The following ELFN1 variants were observed in gnomAD, a reference collection of about 807,000 sequenced individuals.
ELFN1 encodes the protein extracellular leucine rich repeat and fibronectin type III domain containing 1.
In ELFN1, 6 loss-of-function variants were observed where a neutral mutation model predicts 7.6. The ratio of observed to expected loss-of-function variants is 0.79; its 90% CI spans 0.43 to 1.56. The LOEUF is 1.56. ELFN1 is among the 40% of genes most tolerant of loss of function. The pLI is 0.01. For missense variants in ELFN1, 1,169 were observed against 1,232.2 expected, an observed-to-expected ratio of 0.95 and a Z score of 0.77; for synonymous variants, 657 against 588.1, an observed-to-expected ratio of 1.12 and a Z score of -1.70.
At chr7:1,702,846 G>A (rs548585858) in intron 2 of ELFN1, among the ~76,000 whole-genome samples, 1 of 151,308 alleles carries the variant, frequency 6.6e-6, no homozygotes, top group Admixed American at 6.6e-5. Context: ...GCAGCTACTA[G>A]CACCATGCTG....
At position 1,728,904 on chromosome 7, in the gene ELFN1, C is replaced by T. The variant is rs377434525; in HGVS notation, c.-293-15400C>T. On this transcript the variant is annotated intron_variant, in intron 3 of 3. Coordinates refer to ENST00000424383, the MANE Select transcript of ELFN1 (RefSeq NM_001128636.4). ...ATCTCACTGTCGTGATGGTCCTGTT[C>T]ATCATCTCATGATGTCCATCATCTC... Among the ~76,000 whole-genome samples, 33 of 152,112 alleles carry T rather than the reference C, an allele frequency of 2.2e-4. 1 individual carries two copies. The East Asian group carries it at 3.0e-3, about 14-fold the overall frequency.
upstream of ELFN1, among the ~76,000 whole-genome samples, chr7:1,670,079 A>T (rs1778732763): frequency 1.3e-5 from 2 of 149,238 alleles, no homozygotes; most frequent in Non-Finnish European, 3.0e-5. This position sits in a 1 kb window ranked among gnomAD's most constrained non-coding sequence, Gnocchi z 6.4. Flanking sequence ...AGAGGCTCCG[A>T]GCCGGACTCG....
intron 2 of ELFN1, chr7:1,693,906 C>T (rs1481306280): frequency 7.5e-6 from 3 of 400,648 alleles, no homozygotes; most frequent in Non-Finnish European, 1.6e-5. Flanking sequence ...GCCACCTCCT[C>T]CTGCGTGCCG....
chr7:1,724,022 C>T (rs1025231349), intron 3 of ELFN1, among the ~76,000 whole-genome samples: 3 of 152,244 alleles, frequency 2.0e-5, no homozygotes, highest in Admixed American at 2.0e-4. Context: ...GCTATGGGGC[C>T]AGGCTGCCTT....
intron 1 of ELFN1, among the ~76,000 whole-genome samples, chr7:1,684,086 G>A (rs180827953): frequency 6.6e-6 from 1 of 152,056 alleles, no homozygotes; most frequent in Non-Finnish European, 1.5e-5. Context: ...GGAGGTTGAG[G>A]CTGCAGAAAG....
chr7:1,738,397 A>G (rs1484150430), intron 3 of ELFN1, among the ~76,000 whole-genome samples: 1 of 152,166 alleles, frequency 6.6e-6, no homozygotes, highest in East Asian at 1.9e-4. Flanking sequence ...CGGGCATGTC[A>G]TATCTTTCCT....
At chr7:1,672,146 TG>T (rs959760100) in intron 1 of ELFN1, among the ~76,000 whole-genome samples, 1 of 152,128 alleles carries the variant, frequency 6.6e-6, no homozygotes, top group African/African-American at 2.4e-5. Context: ...GAAAAGCCAG[TG>T]GGCACCTGAA....
chr7:1,718,290 T>C (rs1175926280), intron 3 of ELFN1, among the ~76,000 whole-genome samples: 2 of 152,140 alleles, frequency 1.3e-5, no homozygotes, highest in Non-Finnish European at 2.9e-5. Context: ...GGAGTTCAAT[T>C]AGTAAAGGAG....
At chr7:1,719,769 T>TG (rs1338716956) in intron 3 of ELFN1, among the ~76,000 whole-genome samples, 19 of 152,068 alleles carry the variant, frequency 1.2e-4, no homozygotes, top group Middle Eastern at 6.8e-3. Context: ...GGCTAGGAGG[T>TG]GGGGGGCCTC....
At chr7:1,668,659 G>C (rs971101307), upstream of ELFN1, among the ~76,000 whole-genome samples, 1 of 152,232 alleles carries the variant, frequency 6.6e-6, no homozygotes, top group African/African-American at 2.4e-5. Flanking sequence ...GCAGGGAGGA[G>C]AGGGTGCCCC....
At position 1,735,459 on chromosome 7, in the gene ELFN1, CGGA is replaced by C. The variant is rs1780419429; in HGVS notation, c.-293-8842_-293-8840del. Among the ~76,000 whole-genome samples the C allele has an allele frequency of 6.6e-6, 1 of 152,078 alleles. No individual in the cohort carries two copies. Among genetic ancestry groups the C allele is most frequent in the Non-Finnish European group, 1.5e-5 (1 of 67,974 alleles). ...CAGCCCGGCCTCCTGGAGGGCAAGG[CGGA>C]GGTCAGGGGCCTGCTAGACCCAACC... On this transcript the variant is annotated intron_variant, in intron 3 of 3. Coordinates refer to ENST00000424383, the MANE Select transcript of ELFN1 (RefSeq NM_001128636.4). This position sits in a 1 kb window ranked among gnomAD's most constrained non-coding sequence, Gnocchi z 5.9.
At chr7:1,679,068 A>C (rs1318221101) in intron 1 of ELFN1, among the ~76,000 whole-genome samples, 1 of 151,998 alleles carries the variant, frequency 6.6e-6, no homozygotes. Flanking sequence ...TTACACACTA[A>C]TGATTATGCC....
At position 1,745,503 on chromosome 7, in the gene ELFN1, C is replaced by G; in HGVS notation, c.907C>G (p.Leu303Val). Residue 303 changes from leucine to valine, a missense_variant, in exon 4 of 4, where the codon CTG becomes GTG. This residue lies in a region of ELFN1 where 914 missense variants were observed against 872.6 expected (regional missense o/e 1.05). Coordinates refer to ENST00000424383, the MANE Select transcript of ELFN1 (RefSeq NM_001128636.4). ...CTTCTCCGGGGACGGCACCACGCCA[C>G]TGGTGGCCCTGCCCACGCTGGCCAC... ...ECFSGDGTTPLVALPTLATQA... is the reference protein window; with the variant it reads ...ECFSGDGTTPVVALPTLATQA... 6.5e-7 allele frequency: 1 copy of G among 1,545,022 alleles called. No homozygotes were observed. The highest frequency in any genetic ancestry group is 8.7e-7 in the Non-Finnish European group (1 of 1,146,824).
intron 3 of ELFN1, among the ~76,000 whole-genome samples, chr7:1,714,186 T>C (rs1437834826): frequency 6.6e-6 from 1 of 152,146 alleles, no homozygotes; most frequent in Admixed American, 6.5e-5. Context: ...TTGCATCTTC[T>C]AGAGATTCCC....
chr7:1,684,803 G>C (rs953562764), intron 1 of ELFN1, among the ~76,000 whole-genome samples: 1 of 151,820 alleles, frequency 6.6e-6, no homozygotes, highest in East Asian at 1.9e-4. Context: ...ATATGTTGAC[G>C]TATGTTATAA....
intron 3 of ELFN1, among the ~76,000 whole-genome samples, chr7:1,737,888 C>G (rs537023487): frequency 2.3e-4 from 35 of 152,320 alleles, no homozygotes; most frequent in African/African-American, 7.9e-4. Context: ...GCTTCTGTGT[C>G]TGTCCCCCTG....
At chr7:1,696,830 G>A (rs1779325112) in intron 2 of ELFN1, among the ~76,000 whole-genome samples, 1 of 152,220 alleles carries the variant, frequency 6.6e-6, no homozygotes, top group African/African-American at 2.4e-5. Context: ...CTTCATCCCA[G>A]GGATGCTGGG....
chr7:1,745,790 C>T lies in ELFN1; in HGVS notation c.1194C>T (p.Cys398=), dbSNP rs1418546950. The T allele has an allele frequency of 1.3e-6, 2 of 1,555,896 alleles. No homozygotes were observed. Among genetic ancestry groups the T allele is most frequent in the South Asian group, 2.4e-5 (2 of 84,402 alleles). ...ACAACCACACCTGCCTCACCATCTG[C>T]TTGCCCCGGCTGCCCAGCCCGCCTG... The part of the protein sequence containing the change: ...LRHNHTCLTI[C]LPRLPSPPGP... Residue 398 remains cysteine (C), a synonymous_variant, in exon 4 of 4, where the codon TGC becomes TGT. Coordinates refer to ENST00000424383, the MANE Select transcript of ELFN1 (RefSeq NM_001128636.4).
rs1205474742 is a variant in ELFN1, at chr7:1,712,439, C to CT, written c.-294+3197dup. Among the ~76,000 whole-genome samples, 110 of 125,388 alleles carry CT rather than the reference C, an allele frequency of 8.8e-4. 1 individual carries two copies. Among genetic ancestry groups the CT allele is most frequent in the African/African-American group, 2.5e-3 (86 of 33,848 alleles). 82.3% of individuals were successfully genotyped at this position (125,388 alleles called of 152,430 possible). On this transcript the variant is annotated intron_variant, in intron 3 of 3. Coordinates refer to ENST00000424383, the MANE Select transcript of ELFN1 (RefSeq NM_001128636.4). Reference sequence around the variant, plus strand: ...CCAGCCTTCTTTCCTTTTTTTTTTTCTTTTTTTTTTGAGACGGAGTCTCGC... The same window carrying CT: ...CCAGCCTTCTTTCCTTTTTTTTTTTCTTTTTTTTTTTGAGACGGAGTCTCGC...
Sources: gnomAD v4.1 joint callset for allele counts (sites outside exome capture counted in the v4.1 genomes callset) on GRCh38, gnomAD v4.1.1 for gene constraint, gnomAD v4.1.1 regional missense constraint, Gnocchi (gnomAD v3.1) non-coding constraint, MANE v1.5 for transcripts, NCBI Gene and HGNC (gene_info 2026-07-23, HGNC 2026-07-21) for gene names.